The following PDE10A variants were observed in gnomAD, a reference collection of about 807,000 sequenced individuals.
The protein encoded by PDE10A is phosphodiesterase 10A.
A neutral mutation model predicts 97.7 loss-of-function variants in PDE10A; 39 were observed. That is an observed-to-expected ratio of 0.40 (90% CI 0.31 to 0.52). The LOEUF is 0.52. PDE10A is among the 20% of genes least tolerant of loss of function. PDE10A has a pLI of 0.56. For synonymous variants in PDE10A, 371 were observed against 376.8 expected (o/e 0.98, Z 0.18); for missense variants, 731 against 1,047.8 (o/e 0.70, Z 4.17).
chr6:165,745,075 G>T (rs1000729249), intron 1 of PDE10A, among the ~76,000 whole-genome samples: 2 of 152,082 alleles, frequency 1.3e-5, no homozygotes, highest in Non-Finnish European at 2.9e-5. Flanking sequence ...ATAGCAGTTG[G>T]TATTTTAATT....
At chr6:165,910,323 C>T (rs947479133) in intron 1 of PDE10A, among the ~76,000 whole-genome samples, 5 of 152,214 alleles carry the variant, frequency 3.3e-5, no homozygotes, top group African/African-American at 9.6e-5. Context: ...GTGGCTGGGT[C>T]TGTTTACATT....
At chr6:165,726,035 A>G (rs1191114586) in intron 1 of PDE10A, among the ~76,000 whole-genome samples, 3 of 152,242 alleles carry the variant, frequency 2.0e-5, no homozygotes, top group Non-Finnish European at 4.4e-5. Flanking sequence ...ATATGGTCTT[A>G]GAAATAAAAG....
At chr6:165,669,817 T>C (rs1790597383) in intron 1 of PDE10A, among the ~76,000 whole-genome samples, 1 of 152,204 alleles carries the variant, frequency 6.6e-6, no homozygotes, top group Non-Finnish European at 1.5e-5. Flanking sequence ...TTTCTACTTA[T>C]TATAAGAAAT....
intron 1 of PDE10A, among the ~76,000 whole-genome samples, chr6:165,905,048 G>C (rs1328329552): frequency 6.6e-6 from 1 of 152,058 alleles, no homozygotes; most frequent in Admixed American, 6.5e-5. Flanking sequence ...AATAGAATAT[G>C]TTATTTACTG....
intron 2 of PDE10A, among the ~76,000 whole-genome samples, chr6:165,499,167 A>G (rs879718864): frequency 3.3e-5 from 5 of 152,172 alleles, no homozygotes; most frequent in Admixed American, 1.3e-4. Flanking sequence ...GCCAGGGGGA[A>G]GAGTCTGATC....
rs148304209 is a variant in PDE10A, at chr6:165,363,553, G to T, written c.2783+15641C>A. ...AAAAACAGAAAAGAAAAGAAAGAAA[G>T]AAATGACAGATTCTGAATGCAATTG... On this transcript the variant is annotated intron_variant, in intron 18 of 21. Transcript: ENST00000539869. 3.7e-4 allele frequency among the ~76,000 whole-genome samples: 56 copies of T among 151,658 alleles called. 1 individual carries two copies. In the East Asian group the frequency reaches 0.01, roughly 28 times the overall value.
intron 1 of PDE10A, among the ~76,000 whole-genome samples, chr6:165,978,134 G>A (rs1784903510): frequency 6.6e-6 from 1 of 152,152 alleles, no homozygotes; most frequent in Non-Finnish European, 1.5e-5. Flanking sequence ...GCTGGAAATG[G>A]CTTACATCTT....
intron 1 of PDE10A, among the ~76,000 whole-genome samples, chr6:165,818,804 C>T (rs1008843315): frequency 2.0e-5 from 3 of 152,194 alleles, no homozygotes; most frequent in Admixed American, 6.5e-5. Context: ...ATGATGAAAA[C>T]TTCCTTCAAA....
rs1202889503 is a variant in PDE10A, at chr6:165,655,723, C to T, written c.865+6224G>A. ...CTGAGATCATAAACCATGGATCACCCACTGCTCAAAACCTCCCCAAAGCCT... is the reference window on the plus strand; with the variant it reads ...CTGAGATCATAAACCATGGATCACCTACTGCTCAAAACCTCCCCAAAGCCT... On this transcript the variant is annotated intron_variant, in intron 1 of 21. Transcript: ENST00000539869. This position sits in a 1 kb window ranked among gnomAD's most constrained non-coding sequence, Gnocchi z 4.5. 1.3e-5 allele frequency among the ~76,000 whole-genome samples: 2 copies of T among 152,128 alleles called. No homozygotes were observed. The highest frequency in any genetic ancestry group is 2.4e-5 in the African/African-American group (1 of 41,448).
chr6:165,943,175 AAAAGAAAGAAAG>A (rs1210872117), intron 1 of PDE10A, among the ~76,000 whole-genome samples: 889 of 68,278 alleles, frequency 0.013, 34 homozygotes, highest in East Asian at 0.019. Context: ...AAAGAAAGAA[AAAAGAAAGAAAG>A]AAAGAAAGAA....
intron 1 of PDE10A, among the ~76,000 whole-genome samples, chr6:165,680,674 C>T (rs1319194371): frequency 6.6e-6 from 1 of 152,154 alleles, no homozygotes; most frequent in African/African-American, 2.4e-5. Flanking sequence ...GAGGCCGAGG[C>T]GGGCAGATCA....
intron 1 of PDE10A, among the ~76,000 whole-genome samples, chr6:165,571,937 T>C (rs1785067501): frequency 6.6e-6 from 1 of 152,210 alleles, no homozygotes; most frequent in African/African-American, 2.4e-5. Flanking sequence ...TTGTCCCTAG[T>C]GACTAAGAAA....
chr6:165,356,719 T>G (rs1192992806), intron 18 of PDE10A, among the ~76,000 whole-genome samples: 2 of 152,214 alleles, frequency 1.3e-5, no homozygotes, highest in Admixed American at 1.3e-4. Context: ...AAAAGACAGT[T>G]GTTCATATAC....
At chr6:165,846,848 T>A (rs139242819) in intron 1 of PDE10A, among the ~76,000 whole-genome samples, 36 of 152,342 alleles carry the variant, frequency 2.4e-4, no homozygotes, top group East Asian at 7.7e-4. Flanking sequence ...CTGAAAAAGC[T>A]GTTCTCTTCA....
intron 1 of PDE10A, among the ~76,000 whole-genome samples, chr6:165,865,250 A>G (rs1168160275): frequency 1.3e-5 from 2 of 152,248 alleles, no homozygotes; most frequent in African/African-American, 4.8e-5. Context: ...AGAATCAAAG[A>G]TAAAGCATTC....
intron 1 of PDE10A, among the ~76,000 whole-genome samples, chr6:165,791,613 C>T (rs1778651250): frequency 6.6e-6 from 1 of 152,152 alleles, no homozygotes; most frequent in Admixed American, 6.5e-5. Flanking sequence ...TCACAAGCTG[C>T]CCCCTGGCTT....
chr6:165,958,506 A>AC (rs1784216874), intron 1 of PDE10A, among the ~76,000 whole-genome samples: 1 of 8,376 alleles, frequency 1.2e-4, no homozygotes, highest in African/African-American at 9.1e-4. Flanking sequence ...GACAAGAAAG[A>AC]AAGAAAGAAA....
chr6:165,370,022 C>G (rs1326188622), intron 18 of PDE10A, among the ~76,000 whole-genome samples: 1 of 151,936 alleles, frequency 6.6e-6, no homozygotes. Flanking sequence ...TACAGACAAG[C>G]AAATGCTGAG....
chr6:165,590,621 G>A (rs1378727603), intron 1 of PDE10A, among the ~76,000 whole-genome samples: 2 of 152,204 alleles, frequency 1.3e-5, no homozygotes, highest in African/African-American at 4.8e-5. Context: ...GTCAGGCACA[G>A]TGGCTCACGC....
Sources: allele counts gnomAD v4.1 joint callset (sites outside exome capture counted in the v4.1 genomes callset), GRCh38; gene constraint gnomAD v4.1.1; non-coding constraint Gnocchi (gnomAD v3.1); transcripts MANE v1.5; gene names NCBI Gene and HGNC (gene_info 2026-07-23, HGNC 2026-07-21).